CSMD3: variants seen among roughly 807,000 people sequenced by gnomAD.
CSMD3 encodes CUB and Sushi multiple domains 3.
In CSMD3, 177 loss-of-function variants were observed where a neutral mutation model predicts 435.2. The observed-to-expected ratio is 0.41, with a 90% CI of 0.36 to 0.46. The LOEUF (loss-of-function observed/expected upper bound fraction) is 0.46, where lower values mean the gene tolerates loss of function less well. CSMD3 is among the 20% of genes least tolerant of loss of function. The probability of loss-of-function intolerance (pLI) is 0.34; values close to 1 mark genes in which losing one functional copy is unlikely to be tolerated. For synonymous variants in CSMD3, 1,656 were observed against 1,520.5 expected, an observed-to-expected ratio of 1.09 and a Z score of -2.07; for missense variants, 4,265 against 4,504.6, an observed-to-expected ratio of 0.95 and a Z score of 1.52.
At chr8:112,405,224 T>TATATATATATATATATATATATATAC (rs1831715452) in intron 35 of CSMD3, among the ~76,000 whole-genome samples, 1 of 58,328 alleles carries the variant, frequency 1.7e-5, no homozygotes, top group African/African-American at 6.5e-5. Flanking sequence ...CATATATATA[T>TATATATATATATATATATATATATAC]ATATATATAT....
chr8:113,302,986 C>T lies in CSMD3; in HGVS notation c.401+11585G>A, dbSNP rs575293736. 2.1e-3 allele frequency among the ~76,000 whole-genome samples: 215 copies of T among 102,452 alleles called. 1 individual carries two copies. Among genetic ancestry groups the T allele is most frequent in the African/African-American group, 7.3e-3 (180 of 24,692 alleles). 67.2% of individuals were successfully genotyped at this position (102,452 alleles called of 152,430 possible). ...AAGTCAAATTGTCCCTGTTTGCAGACGACATGATTGTTTATCTAGAAAACC... is the reference window on the plus strand; with the variant it reads ...AAGTCAAATTGTCCCTGTTTGCAGATGACATGATTGTTTATCTAGAAAACC... On this transcript the variant is annotated intron_variant, in intron 2 of 70. Coordinates refer to ENST00000297405, the MANE Select transcript of CSMD3 (RefSeq NM_198123.2).
At chr8:113,047,180 C>T (rs1305597180) in intron 5 of CSMD3, among the ~76,000 whole-genome samples, 1 of 152,146 alleles carries the variant, frequency 6.6e-6, no homozygotes, top group East Asian at 1.9e-4. Flanking sequence ...TGTTGTTTCC[C>T]CATTAACACT....
chr8:112,266,741 TA>T (rs1816984743), intron 59 of CSMD3, among the ~76,000 whole-genome samples: 1 of 152,190 alleles, frequency 6.6e-6, no homozygotes. Flanking sequence ...GTATTTTGAT[TA>T]AATACAAACA....
intron 3 of CSMD3, among the ~76,000 whole-genome samples, chr8:113,222,479 T>C (rs2092979515): frequency 6.6e-6 from 1 of 151,016 alleles, no homozygotes; most frequent in South Asian, 2.1e-4. Context: ...ATTATTTTCA[T>C]AAATATAAAG....
intron 1 of CSMD3, among the ~76,000 whole-genome samples, chr8:113,365,539 C>CA (rs1285686430): frequency 6.6e-5 from 10 of 151,884 alleles, no homozygotes; most frequent in South Asian, 4.1e-4. Context: ...AACAGCATCA[C>CA]AAAAAAATGA....
chr8:112,936,489 T>C (rs1412177877), intron 9 of CSMD3, among the ~76,000 whole-genome samples: 1 of 152,098 alleles, frequency 6.6e-6, no homozygotes, highest in Admixed American at 6.6e-5. Context: ...AATTCAAATT[T>C]TGCAAGGAAG....
intron 16 of CSMD3, among the ~76,000 whole-genome samples, chr8:112,674,299 G>C (rs1470408964): frequency 6.6e-6 from 1 of 152,098 alleles, no homozygotes; most frequent in Non-Finnish European, 1.5e-5. Flanking sequence ...GGGCTGGGAT[G>C]AGGTGAAAGG....
intron 3 of CSMD3, among the ~76,000 whole-genome samples, chr8:113,247,971 G>T (rs1021633846): frequency 5.3e-5 from 8 of 151,942 alleles, no homozygotes. Context: ...GAAAATAGAA[G>T]ATTAAGTCAA....
At position 112,328,460 on chromosome 8, in the gene CSMD3, C is replaced by G. The variant is rs139318864; in HGVS notation, c.7165+6869G>C. 3.6e-3 allele frequency among the ~76,000 whole-genome samples: 551 copies of G among 152,178 alleles called. 4 individuals carry two copies. Among genetic ancestry groups the G allele is most frequent in the African/African-American group, 0.012 (513 of 41,528 alleles). On this transcript the variant is annotated intron_variant, in intron 45 of 70. Transcript: ENST00000297405. Reference sequence around the variant, plus strand: ...CTTTACAAATATCCCTTTTACATCACTAATATTTTATATTCAGTTTGTTTC... The same window carrying G: ...CTTTACAAATATCCCTTTTACATCAGTAATATTTTATATTCAGTTTGTTTC...
chr8:112,638,679 GT>G lies in CSMD3; in HGVS notation c.3526+16del. 6 of 1,473,870 alleles carry G rather than the reference GT, an allele frequency of 4.1e-6. No individual in the cohort carries two copies. Among genetic ancestry groups the G allele is most frequent in the Non-Finnish European group, 5.7e-6 (6 of 1,053,878 alleles). The allele number at this position is 1,473,870 out of a possible 1,614,324, so 91.3% of individuals were successfully genotyped here. A position where few individuals can be genotyped will look rare whatever the true frequency, so the allele number is the denominator to read the frequency against. ...TAAAAGTTACTGAATGAGCCCTTTT[GT>G]TTTTTATTTTCTCACCAGAGAATGT... On this transcript the variant is annotated intron_variant, in intron 21 of 70. Coordinates refer to ENST00000297405, the MANE Select transcript of CSMD3 (RefSeq NM_198123.2).
chr8:113,199,366 T>C (rs754317603), intron 3 of CSMD3, among the ~76,000 whole-genome samples: 4 of 151,728 alleles, frequency 2.6e-5, no homozygotes, highest in African/African-American at 9.7e-5. Context: ...CCTTTATTCA[T>C]CATTGAGAAT....
intron 2 of CSMD3, among the ~76,000 whole-genome samples, chr8:113,306,364 A>G (rs1266784492): frequency 2.6e-5 from 4 of 152,142 alleles, no homozygotes; most frequent in Non-Finnish European, 5.9e-5. Context: ...TATCACTCTC[A>G]ATGTAATCTT....
At chr8:112,764,859 G>A (rs2132164970) in intron 13 of CSMD3, among the ~76,000 whole-genome samples, 1 of 151,694 alleles carries the variant, frequency 6.6e-6, no homozygotes, top group African/African-American at 2.4e-5. Context: ...TTAGACTCTG[G>A]GAAGTGTAGT....
chr8:113,367,397 T>C (rs2094319316), intron 1 of CSMD3, among the ~76,000 whole-genome samples: 1 of 152,048 alleles, frequency 6.6e-6, no homozygotes. Context: ...TTTTTTAATA[T>C]TTTAAGTATT....
At chr8:112,453,191 G>A (rs769370954) in intron 32 of CSMD3, among the ~76,000 whole-genome samples, 20 of 151,990 alleles carry the variant, frequency 1.3e-4, no homozygotes, top group Non-Finnish European at 2.5e-4. Context: ...AAGAGAAACA[G>A]AATACAATCC....
intron 1 of CSMD3, among the ~76,000 whole-genome samples, chr8:113,328,730 CTTTTCTTTTTTT>C (rs2094003521): frequency 4.7e-5 from 3 of 64,030 alleles, no homozygotes; most frequent in African/African-American, 2.3e-4. Context: ...TTCCTTCCTT[CTTTTCTTTTTTT>C]TTTTTTTTTT....
chr8:112,410,664 ATATATATATG>A (rs1832316920), intron 32 of CSMD3, among the ~76,000 whole-genome samples: 1 of 102,418 alleles, frequency 9.8e-6, no homozygotes, highest in Non-Finnish European at 2.0e-5. Context: ...ATATATATGT[ATATATATATG>A]TGTATATATA....
intron 61 of CSMD3, among the ~76,000 whole-genome samples, chr8:112,260,761 C>T (rs1254755840): frequency 3.3e-5 from 5 of 152,022 alleles, no homozygotes; most frequent in Non-Finnish European, 7.4e-5. Flanking sequence ...GTGACAAAAA[C>T]ATTGAGGCAC....
chr8:112,922,298 C>A (rs2082768160), intron 9 of CSMD3, among the ~76,000 whole-genome samples: 1 of 151,782 alleles, frequency 6.6e-6, no homozygotes, highest in Admixed American at 6.6e-5. Flanking sequence ...TGAAGTCATG[C>A]AATACGAAAT....
Sources: gnomAD v4.1 joint callset for allele counts (sites outside exome capture counted in the v4.1 genomes callset) on GRCh38, gnomAD v4.1.1 for gene constraint, MANE v1.5 for transcripts, NCBI Gene and HGNC (gene_info 2026-07-23, HGNC 2026-07-21) for gene names.